LRFN2: variants seen among roughly 807,000 people sequenced by gnomAD.
LRFN2 encodes leucine rich repeat and fibronectin type III domain containing 2.
Under a neutral mutation model 37.3 loss-of-function variants are expected in LRFN2, and 18 were observed. The ratio of observed to expected loss-of-function variants is 0.48; its 90% CI spans 0.33 to 0.72. The LOEUF (loss-of-function observed/expected upper bound fraction) is 0.72. LRFN2 is among the 30% of genes least tolerant of loss of function. The pLI, the probability that LRFN2 is intolerant of heterozygous loss-of-function variation, is 0.02. For missense variants in LRFN2, 1,006 were observed against 1,060.7 expected (o/e 0.95, Z 0.72); for synonymous variants, 556 against 466.6 (o/e 1.19, Z -2.47).
chr6:40,428,551 C>A (rs1336812475), intron 2 of LRFN2, among the ~76,000 whole-genome samples: 2 of 152,158 alleles, frequency 1.3e-5, no homozygotes, highest in East Asian at 3.9e-4. Flanking sequence ...AAGCCATAAC[C>A]CCTTTTAGGA....
chr6:40,458,245 A>G (rs566433795), intron 1 of LRFN2, among the ~76,000 whole-genome samples: 1 of 152,356 alleles, frequency 6.6e-6, no homozygotes, highest in Admixed American at 6.5e-5. Flanking sequence ...GCTTTGTAGT[A>G]AACACGAATG....
Position 40,522,659 on chromosome 6 carries a change from A to C in LRFN2, c.-19+64282T>G, listed in dbSNP as rs537801293. Among the ~76,000 whole-genome samples, 141 of 152,246 alleles carry C rather than the reference A, an allele frequency of 9.3e-4. 1 individual carries two copies. Among genetic ancestry groups the C allele is most frequent in the African/African-American group, 3.3e-3 (136 of 41,540 alleles). ...ATAAATTTTGCTGTTTCCCACCTGC[A>C]CCAGAATTCCAGGGCCCTGGCCTGC... On this transcript the variant is annotated intron_variant, in intron 1 of 2. Transcript: ENST00000338305.
intron 1 of LRFN2, among the ~76,000 whole-genome samples, chr6:40,559,108 G>A (rs1243870866): frequency 6.6e-6 from 1 of 151,922 alleles, no homozygotes; most frequent in African/African-American, 2.4e-5. Flanking sequence ...AAGAGATGAA[G>A]CCTCTGATGA....
At chr6:40,472,070 G>A (rs186575362) in intron 1 of LRFN2, among the ~76,000 whole-genome samples, 105 of 152,232 alleles carry the variant, frequency 6.9e-4, no homozygotes, top group Middle Eastern at 6.8e-3. Flanking sequence ...TGAGCTCCCC[G>A]GTGTGTGTGT....
chr6:40,427,256 A>C (rs1763375069), intron 2 of LRFN2, among the ~76,000 whole-genome samples: 1 of 152,242 alleles, frequency 6.6e-6, no homozygotes, highest in South Asian at 2.1e-4. Flanking sequence ...TTTCTGGCAT[A>C]TTTACATCAA....
chr6:40,458,334 A>G (rs577873419), intron 1 of LRFN2, among the ~76,000 whole-genome samples: 2 of 152,224 alleles, frequency 1.3e-5, no homozygotes, highest in Non-Finnish European at 2.9e-5. Flanking sequence ...GGCAGTGATA[A>G]GCCTCACACA....
chr6:40,566,864 C>A (rs1035739946), intron 1 of LRFN2, among the ~76,000 whole-genome samples: 4 of 151,832 alleles, frequency 2.6e-5, no homozygotes, highest in African/African-American at 7.3e-5. Context: ...TGCACATGTA[C>A]CCTAAAACTT....
At position 40,431,953 on chromosome 6, in the gene LRFN2, G is replaced by C. The variant is rs1211176777; in HGVS notation, c.1161C>G (p.Ser387Arg). The C allele has an allele frequency of 1.9e-6, 3 of 1,613,500 alleles. No individual in the cohort carries two copies. Among genetic ancestry groups the C allele is most frequent in the Non-Finnish European group, 2.5e-6 (3 of 1,180,026 alleles). The change falls in exon 2 of 3, where the codon AGC becomes AGG. Residue 387 changes from serine (S) to arginine (R), a missense_variant. Coordinates refer to ENST00000338305, the MANE Select transcript of LRFN2 (RefSeq NM_020737.3). Reference sequence around the variant, plus strand: ...GGCGGGACTTGGGGGGTGCAGTGCGGCTGGTGCTGTTGCTGAGGTGTGGCA... The same window carrying C: ...GGCGGGACTTGGGGGGTGCAGTGCGCCTGGTGCTGTTGCTGAGGTGTGGCA... Reference protein sequence around the residue: ...VQLPHLSNSTSRTAPPKSRLS... With the variant: ...VQLPHLSNSTRRTAPPKSRLS...
At chr6:40,490,963 G>T (rs976448564) in intron 1 of LRFN2, among the ~76,000 whole-genome samples, 1 of 152,220 alleles carries the variant, frequency 6.6e-6, no homozygotes, top group Non-Finnish European at 1.5e-5. Flanking sequence ...AAGGTGAGGG[G>T]TATGTGCATG....
intron 1 of LRFN2, among the ~76,000 whole-genome samples, chr6:40,478,675 G>A (rs931765090): frequency 6.6e-6 from 1 of 152,222 alleles, no homozygotes. Context: ...GCCAGGGCTT[G>A]AGCTAGGTAC....
At chr6:40,542,868 C>A (rs1203438360) in intron 1 of LRFN2, among the ~76,000 whole-genome samples, 2 of 152,220 alleles carry the variant, frequency 1.3e-5, no homozygotes, top group South Asian at 2.1e-4. Context: ...GCAGCAGGAA[C>A]TGCTGCTCCC....
chr6:40,434,693 T>A (rs1581702374), intron 1 of LRFN2, among the ~76,000 whole-genome samples: 1 of 151,598 alleles, frequency 6.6e-6, no homozygotes, highest in South Asian at 2.1e-4. Context: ...GGCTGGGCTG[T>A]TCTCAAACTC....
intron 1 of LRFN2, among the ~76,000 whole-genome samples, chr6:40,439,206 C>A (rs938929197): frequency 6.6e-6 from 1 of 152,166 alleles, no homozygotes; most frequent in South Asian, 2.1e-4. Flanking sequence ...AGCAACCAGC[C>A]GAGGAGCCGC....
intron 1 of LRFN2, among the ~76,000 whole-genome samples, chr6:40,435,014 CAT>C (rs368583078): frequency 0.048 from 2,272 of 47,690 alleles, 14 homozygotes; most frequent in Non-Finnish European, 0.062. Flanking sequence ...AATGGTTTTA[CAT>C]ATATATATAT....
intron 2 of LRFN2, among the ~76,000 whole-genome samples, chr6:40,406,040 G>A (rs542186735): frequency 8.5e-4 from 130 of 152,214 alleles, no homozygotes; most frequent in African/African-American, 2.7e-3. Context: ...CTCCTCCATG[G>A]GGCTCCTTCA....
At chr6:40,540,227 C>A (rs1213862953) in intron 1 of LRFN2, among the ~76,000 whole-genome samples, 1 of 152,172 alleles carries the variant, frequency 6.6e-6, no homozygotes, top group African/African-American at 2.4e-5. Context: ...AGTGTCACTG[C>A]AAATAAAACA....
chr6:40,542,014 T>C (rs1746600560), intron 1 of LRFN2, among the ~76,000 whole-genome samples: 1 of 152,268 alleles, frequency 6.6e-6, no homozygotes, highest in Admixed American at 6.5e-5. Flanking sequence ...TATGTGTCTC[T>C]GTCCTCCCAG....
At chr6:40,546,149 G>A (rs1363130025) in intron 1 of LRFN2, among the ~76,000 whole-genome samples, 1 of 152,106 alleles carries the variant, frequency 6.6e-6, no homozygotes, top group Non-Finnish European at 1.5e-5. Context: ...AGAGAGGGGA[G>A]GTAAAGGGAA....
chr6:40,435,044 TATATATATAG>T lies in LRFN2; in HGVS notation c.-18-1923_-18-1914del, dbSNP rs1430996876. Among the ~76,000 whole-genome samples, 489 of 88,530 alleles carry T rather than the reference TATATATATAG, an allele frequency of 5.5e-3. 1 individual carries two copies. The highest frequency in any genetic ancestry group is 0.012 in the African/African-American group (231 of 18,916). 58.1% of individuals were successfully genotyped at this position (88,530 alleles called of 152,430 possible). A position where few individuals can be genotyped will look rare whatever the true frequency, so the allele number is the denominator to read the frequency against. On this transcript the variant is annotated intron_variant, in intron 1 of 2. Transcript: ENST00000338305. The stretch of plus-strand genomic sequence containing the variant: ...ATATATATATATATATATATATATA[TATATATATAG>T]AGAGAGAGAGAGAGAGAGAGAGAGA...
Sources: gnomAD v4.1 joint callset for allele counts (sites outside exome capture counted in the v4.1 genomes callset) on GRCh38, gnomAD v4.1.1 for gene constraint, MANE v1.5 for transcripts, NCBI Gene and HGNC (gene_info 2026-07-23, HGNC 2026-07-21) for gene names.